The following SHPRH variants were observed in gnomAD, a reference collection of about 807,000 sequenced individuals.
SHPRH encodes the protein E3 ubiquitin-protein ligase SHPRH.
A neutral mutation model predicts 202.5 loss-of-function variants in SHPRH; 106 were observed. The observed-to-expected ratio is 0.52, with a 90% confidence interval of 0.45 to 0.62. The LOEUF is 0.62. Among genes scored for constraint, SHPRH ranks in the 20% least tolerant of loss-of-function variants. The pLI is 0.00. For synonymous variants in SHPRH, 729 were observed against 686.0 expected (o/e 1.06, Z -0.98); for missense variants, 1,710 against 2,020.0 (o/e 0.85, Z 2.94).
intron 25 of SHPRH, among the ~76,000 whole-genome samples, chr6:145,896,874 A>G (rs1405215379): frequency 1.3e-5 from 2 of 152,058 alleles, no homozygotes; most frequent in African/African-American, 4.8e-5. Flanking sequence ...CAACATAACA[A>G]AAGGTATGGG....
At chr6:145,907,450 T>G (rs146424641) in intron 25 of SHPRH, 1 of 152,284 alleles carries the variant, frequency 6.6e-6, no homozygotes, top group Non-Finnish European at 1.5e-5. Context: ...AATCCAAATT[T>G]GATCATGATA....
chr6:145,954,827 CTTTT>C lies in SHPRH; in HGVS notation c.492_495del (p.Lys165AsnfsTer3), dbSNP rs1469942319. 1 of 1,613,274 alleles carries C rather than the reference CTTTT, an allele frequency of 6.2e-7. No homozygotes were observed. ...CCCTTGTCACAAATACTCATCGGTT[CTTTT>C]TTTTGTTTCTCTACATCTTCACCTT... On this transcript the variant is annotated frameshift_variant, in exon 2 of 30. Transcript: ENST00000275233. LOFTEE classifies it high-confidence loss of function.
At chr6:145,893,434 TAAA>T (rs1178481596) in intron 27 of SHPRH, 41 bp from the exon 28 acceptor site, 4 of 1,485,474 alleles carry the variant, frequency 2.7e-6, no homozygotes, top group Admixed American at 4.7e-5. Flanking sequence ...CTCGATCAGT[TAAA>T]ATAAGAGCAG....
chr6:145,893,026 T>C (rs1016231358), intron 28 of SHPRH, among the ~76,000 whole-genome samples, 189 bp downstream of exon 28: 5 of 151,928 alleles, frequency 3.3e-5, no homozygotes, highest in African/African-American at 4.8e-5. Flanking sequence ...GGAAATCTCA[T>C]GCCTTTCAAT....
chr6:145,860,112 G>C (rs1191488443), downstream of SHPRH, among the ~76,000 whole-genome samples: 1 of 151,872 alleles, frequency 6.6e-6, no homozygotes, highest in Non-Finnish European at 1.5e-5. Flanking sequence ...TTTTCTCTAA[G>C]ACCTGGAAAA....
intron 11 of SHPRH, among the ~76,000 whole-genome samples, chr6:145,936,388 G>GGCAC: frequency 6.6e-6 from 1 of 152,192 alleles, no homozygotes; most frequent in Admixed American, 6.5e-5. Flanking sequence ...CGAGTGCAGT[G>GGCAC]GCACCATCTT....
intron 11 of SHPRH, among the ~76,000 whole-genome samples, chr6:145,938,024 G>A (rs1786305499): frequency 6.6e-6 from 1 of 152,136 alleles, no homozygotes; most frequent in Non-Finnish European, 1.5e-5. Flanking sequence ...CCTCTAAGCT[G>A]TAAGCTCAAT....
chr6:145,948,658 A>G (rs1787651772), intron 4 of SHPRH, among the ~76,000 whole-genome samples: 1 of 152,104 alleles, frequency 6.6e-6, no homozygotes, highest in African/African-American at 2.4e-5. Context: ...ACTAATACAT[A>G]TAACCAGCTC....
At chr6:145,927,306 A>T in intron 14 of SHPRH, 29 bp from the exon 15 acceptor site, 1 of 1,585,762 alleles carries the variant, frequency 6.3e-7, no homozygotes, top group Non-Finnish European at 8.6e-7. Context: ...TTTAAAGCAT[A>T]CGAGAGTCAC....
chr6:145,938,645 G>T (rs13209322), intron 11 of SHPRH, among the ~76,000 whole-genome samples: 1 of 152,118 alleles, frequency 6.6e-6, no homozygotes, highest in African/African-American at 2.4e-5. Flanking sequence ...GTTAGGTACT[G>T]TGCTAAATCC....
chr6:145,883,013 G>T (rs1445473274), downstream of SHPRH, among the ~76,000 whole-genome samples: 1 of 152,064 alleles, frequency 6.6e-6, no homozygotes, highest in Non-Finnish European at 1.5e-5. Flanking sequence ...GCTATCTACG[G>T]GGGTGTGGAG....
In SHPRH at chr6:145,927,342, T is replaced by C; in HGVS notation, c.3113-65A>G. 5 of 1,345,642 alleles carry C rather than the reference T, an allele frequency of 3.7e-6. No individual in the cohort carries two copies. The Admixed American group carries it at 9.2e-5, about 25-fold the overall frequency. The allele number at this position is 1,345,642 out of a possible 1,614,324, so 83.4% of individuals were successfully genotyped here. A position where few individuals can be genotyped will look rare whatever the true frequency, so the allele number is the denominator to read the frequency against. ...ATATTTAGTTCCCAATGTCATCTAG[T>C]TGTCCATTATTTAAGAATACTGTAA... is the stretch of plus-strand genomic sequence containing the variant. On this transcript the variant is annotated intron_variant, in intron 14 of 29. Coordinates refer to ENST00000275233, the MANE Select transcript of SHPRH (RefSeq NM_001042683.3).
chr6:145,867,631 T>G (rs6570728), intron 2 of SHPRH, among the ~76,000 whole-genome samples: 2,415 of 22,372 alleles, frequency 0.11, 276 homozygotes, highest in Non-Finnish European at 0.13. Context: ...TATATATATA[T>G]AGAGAGAGAG....
rs1443290493 is a variant in SHPRH at position 145,911,691 on chromosome 6, T to TAG, written c.4327-1056_4327-1055insCT. Among the ~76,000 whole-genome samples, 632 of 152,190 alleles carry TAG rather than the reference T, an allele frequency of 4.2e-3. 18 individuals carry two copies. In the East Asian group the frequency reaches 0.071, roughly 17 times the overall value. On this transcript the variant is annotated intron_variant, in intron 24 of 29. Coordinates refer to ENST00000275233, the MANE Select transcript of SHPRH (RefSeq NM_001042683.3). ...TCCTTAAGCTATGTTTTTTTTAAGATTTGGACATGTATGGAAAGAAAGTGC... is the reference window on the plus strand; with the variant it reads ...TCCTTAAGCTATGTTTTTTTTAAGATAGTTGGACATGTATGGAAAGAAAGTGC...
rs1350765948 is a variant in SHPRH, at chr6:145,884,951, CAT to C, written c.*1738_*1739del. On this transcript the variant is annotated 3_prime_UTR_variant, in exon 30 of 30. Coordinates refer to ENST00000275233, the MANE Select transcript of SHPRH (RefSeq NM_001042683.3). ...GCATATCAAATTGTTTTCTCTAAAA[CAT>C]AGCTCAGAAAGGAATAGTAGAAAAC... 2.0e-5 allele frequency: 3 copies of C among 151,998 alleles called. No individual in the cohort carries two copies. Among genetic ancestry groups the C allele is most frequent in the African/African-American group, 7.2e-5 (3 of 41,410 alleles). 9.4% of individuals were successfully genotyped at this position (151,998 alleles called of 1,614,324 possible).
intron 2 of SHPRH, chr6:145,871,456 AAAG>A (rs1780052534): frequency 6.6e-6 from 1 of 152,178 alleles, no homozygotes. Flanking sequence ...ATTGCTACAA[AAAG>A]AACAAAATAC....
intron 21 of SHPRH, among the ~76,000 whole-genome samples, chr6:145,920,167 A>G (rs932573152): frequency 6.6e-6 from 1 of 152,122 alleles, no homozygotes; most frequent in African/African-American, 2.4e-5. Flanking sequence ...TCTGGTAGAT[A>G]TGTACAGCAG....
intron 9 of SHPRH, 59 bp downstream of exon 9, chr6:145,943,084 T>C: frequency 2.0e-6 from 3 of 1,495,152 alleles, no homozygotes; most frequent in Non-Finnish European, 2.7e-6. Flanking sequence ...ATTAGGAAAC[T>C]ATCATGAAGA....
At chr6:145,929,193 T>C (rs558530895) in intron 14 of SHPRH, among the ~76,000 whole-genome samples, 3 of 152,042 alleles carry the variant, frequency 2.0e-5, no homozygotes, top group South Asian at 2.1e-4. Context: ...TTCAATGTTA[T>C]AAAGGTTTAA....
Sources: gnomAD v4.1 joint callset for allele counts (sites outside exome capture counted in the v4.1 genomes callset) on GRCh38, gnomAD v4.1.1 for gene constraint, MANE v1.5 for transcripts, NCBI Gene and HGNC (gene_info 2026-07-23, HGNC 2026-07-21) for gene names.